The following KCNT2 variants were observed in gnomAD, a reference collection of about 807,000 sequenced individuals.
KCNT2 encodes potassium sodium-activated channel subfamily T member 2.
Under a neutral mutation model 153.8 loss-of-function variants are expected in KCNT2, and 67 were observed. That is an observed-to-expected ratio of 0.44 (90% CI 0.36 to 0.53). The LOEUF is 0.53. Ranked by LOEUF, KCNT2 falls within the 20% of genes least tolerant of loss-of-function variation. The pLI, the probability that KCNT2 is intolerant of heterozygous loss-of-function variation, is 0.00. For missense variants in KCNT2, 975 were observed against 1,354.8 expected, an observed-to-expected ratio of 0.72 and a Z score of 4.40; for synonymous variants, 500 against 458.8, an observed-to-expected ratio of 1.09 and a Z score of -1.15.
At chr1:196,267,617 G>A (rs1425326735) in intron 25 of KCNT2, among the ~76,000 whole-genome samples, 2 of 152,224 alleles carry the variant, frequency 1.3e-5, no homozygotes, top group African/African-American at 4.8e-5. Context: ...CAACCACAGT[G>A]GTGCTCGTGG....
intron 1 of KCNT2, among the ~76,000 whole-genome samples, chr1:196,543,934 C>T (rs1441720648): frequency 8.3e-6 from 1 of 120,304 alleles, no homozygotes; most frequent in Non-Finnish European, 1.7e-5. Flanking sequence ...CACAAAAAAC[C>T]TGCACATAAA....
chr1:196,516,303 CAG>C (rs1038455750), intron 1 of KCNT2, among the ~76,000 whole-genome samples: 4 of 152,016 alleles, frequency 2.6e-5, no homozygotes, highest in Admixed American at 2.6e-4. Flanking sequence ...TCTGGGGAAT[CAG>C]GGGCAATTAG....
chr1:196,467,902 T>C (rs892885746), intron 6 of KCNT2, 116 bp from the exon 7 acceptor site: 2 of 496,260 alleles, frequency 4.0e-6, no homozygotes, highest in Admixed American at 3.4e-5. Flanking sequence ...ATTTAAAATA[T>C]GACAAATAAT....
chr1:196,258,508 A>C lies in KCNT2; in HGVS notation c.2911-14T>G. The C allele has an allele frequency of 7.1e-7, 1 of 1,407,356 alleles. No homozygotes were observed. The highest frequency in any genetic ancestry group is 1.2e-5 in the South Asian group (1 of 81,716). 87.2% of individuals were successfully genotyped at this position (1,407,356 alleles called of 1,614,324 possible). A position where few individuals can be genotyped will look rare whatever the true frequency, so the allele number is the denominator to read the frequency against. ...AGATATTTGAGACTTTAAAGGAAAT[A>C]GATATTGATAATTAGATACTTTAGA... On this transcript the variant is annotated splice_polypyrimidine_tract_variant and intron_variant, in intron 25 of 27. Coordinates refer to ENST00000294725, the MANE Select transcript of KCNT2 (RefSeq NM_198503.5).
intron 13 of KCNT2, among the ~76,000 whole-genome samples, chr1:196,374,468 TATGG>T (rs1668784583): frequency 6.6e-6 from 1 of 151,892 alleles, no homozygotes; most frequent in African/African-American, 2.4e-5. Context: ...AAATATATAC[TATGG>T]ATATATGTCA....
intron 25 of KCNT2, among the ~76,000 whole-genome samples, chr1:196,271,337 G>A (rs527437194): frequency 6.6e-6 from 1 of 152,084 alleles, no homozygotes; most frequent in East Asian, 1.9e-4. Flanking sequence ...TCATTTTGTA[G>A]ACTAGCAGCC....
intron 8 of KCNT2, among the ~76,000 whole-genome samples, chr1:196,449,858 TATG>T (rs1676003763): frequency 6.6e-6 from 1 of 151,632 alleles, no homozygotes; most frequent in Non-Finnish European, 1.5e-5. Context: ...AAATTGACTT[TATG>T]ATGTTTTAAA....
At chr1:196,404,567 A>G (rs954375419) in intron 12 of KCNT2, among the ~76,000 whole-genome samples, 1 of 151,524 alleles carries the variant, frequency 6.6e-6, no homozygotes, top group Admixed American at 6.6e-5. Context: ...AACATTCTTT[A>G]TGGGCTCAGC....
intron 1 of KCNT2, among the ~76,000 whole-genome samples, chr1:196,573,632 G>T (rs578043825): frequency 5.5e-4 from 84 of 151,896 alleles, no homozygotes; most frequent in African/African-American, 1.9e-3. Context: ...AATAAAATAT[G>T]AAAGAAGAGA....
intron 1 of KCNT2, among the ~76,000 whole-genome samples, chr1:196,570,317 T>C (rs1485944843): frequency 1.3e-5 from 2 of 152,136 alleles, no homozygotes; most frequent in African/African-American, 4.8e-5. Flanking sequence ...TGGTAGATTT[T>C]CACAGTGCAT....
At chr1:196,374,307 G>A (rs1390637693) in intron 13 of KCNT2, among the ~76,000 whole-genome samples, 1 of 151,736 alleles carries the variant, frequency 6.6e-6, no homozygotes, top group African/African-American at 2.4e-5. Flanking sequence ...AGAAGAAAAG[G>A]TTACATGGGA....
At chr1:196,560,838 A>G (rs773139084) in intron 1 of KCNT2, among the ~76,000 whole-genome samples, 2 of 151,910 alleles carry the variant, frequency 1.3e-5, no homozygotes, top group Non-Finnish European at 2.9e-5. Flanking sequence ...ACATTTATAT[A>G]AAGTCCCGTA....
At chr1:196,507,423 T>C (rs1198565344) in intron 1 of KCNT2, among the ~76,000 whole-genome samples, 1 of 152,172 alleles carries the variant, frequency 6.6e-6, no homozygotes, top group Non-Finnish European at 1.5e-5. Context: ...GAGTTTTGTC[T>C]AATAGGCATC....
intron 8 of KCNT2, among the ~76,000 whole-genome samples, chr1:196,449,304 C>G (rs1449824567): frequency 6.6e-6 from 1 of 151,530 alleles, no homozygotes; most frequent in Non-Finnish European, 1.5e-5. Context: ...GCTAGCAAAC[C>G]AGGAACCTAA....
intron 26 of KCNT2, among the ~76,000 whole-genome samples, chr1:196,256,743 T>C (rs1039173155): frequency 1.7e-4 from 26 of 150,688 alleles, no homozygotes; most frequent in African/African-American, 6.3e-4. Context: ...CTTTGATCTG[T>C]TATATATATA....
intron 25 of KCNT2, among the ~76,000 whole-genome samples, chr1:196,279,773 G>A (rs1658920099): frequency 1.3e-5 from 2 of 151,796 alleles, no homozygotes; most frequent in South Asian, 4.2e-4. Flanking sequence ...ACACCACCAA[G>A]AAGCAACTCA....
intron 14 of KCNT2, 62 bp downstream of exon 14, chr1:196,373,078 T>A (rs1278982031): frequency 1.3e-6 from 1 of 793,216 alleles, no homozygotes; most frequent in African/African-American, 1.8e-5. Flanking sequence ...TTAAATCACA[T>A]AACTGCCCTT....
chr1:196,596,036 T>C (rs1215738526), intron 1 of KCNT2, among the ~76,000 whole-genome samples: 6 of 146,484 alleles, frequency 4.1e-5, no homozygotes, highest in South Asian at 2.1e-4. Context: ...TTGTTATGGC[T>C]GAGTTGTATT....
intron 14 of KCNT2, among the ~76,000 whole-genome samples, chr1:196,361,194 A>G (rs1667589214): frequency 6.6e-6 from 1 of 151,062 alleles, no homozygotes; most frequent in South Asian, 2.1e-4. Context: ...GCCCTCTCCA[A>G]CAGACACCAG....
Sources: allele counts gnomAD v4.1 joint callset (sites outside exome capture counted in the v4.1 genomes callset), GRCh38; gene constraint gnomAD v4.1.1; transcripts MANE v1.5; gene names NCBI Gene and HGNC (gene_info 2026-07-23, HGNC 2026-07-21).